Variants in PGM1 observed in about 807,000 individuals in gnomAD.
PGM1 encodes the protein phosphoglucomutase 1, also known as phosphoglucomutase-1.
In PGM1, 52 loss-of-function variants were observed where a neutral mutation model predicts 55.6. That is an observed-to-expected ratio of 0.94 (90% CI 0.75 to 1.18). PGM1 has a LOEUF of 1.18. PGM1 is among the 50% of genes most tolerant of loss of function. PGM1 has a pLI of 0.00. For synonymous variants in PGM1, 287 were observed against 271.7 expected (o/e 1.06, Z -0.55); for missense variants, 724 against 729.3 (o/e 0.99, Z 0.08).
At chr1:63,630,778 T>C (rs998480023) in intron 3 of PGM1, among the ~76,000 whole-genome samples, 11 of 152,238 alleles carry the variant, frequency 7.2e-5, no homozygotes, top group Non-Finnish European at 1.5e-5. Flanking sequence ...TGATTGGCAA[T>C]GAACTTGCAT....
At chr1:63,620,722 G>C (rs57077188) in intron 1 of PGM1, among the ~76,000 whole-genome samples, 1,704 of 152,294 alleles carry the variant, frequency 0.011, 36 homozygotes, top group African/African-American at 0.038. Context: ...GGAGCGAAGG[G>C]GTTCATAACT....
intron 1 of PGM1, among the ~76,000 whole-genome samples, chr1:63,615,779 A>T (rs1002375023): frequency 6.6e-6 from 1 of 151,322 alleles, no homozygotes; most frequent in Non-Finnish European, 1.5e-5. Context: ...CAGGCGGATC[A>T]CTTGAGGTCA....
At chr1:63,593,903 A>G in intron 1 of PGM1, 169 bp downstream of exon 1, 1 of 1,247,244 alleles carries the variant, frequency 8.0e-7, no homozygotes. Flanking sequence ...TGGAGGCCCG[A>G]CGGAGGTCGC....
chr1:63,595,190 C>T (rs1464943693), intron 1 of PGM1, among the ~76,000 whole-genome samples: 3 of 152,092 alleles, frequency 2.0e-5, no homozygotes, highest in African/African-American at 4.8e-5. Flanking sequence ...GTACTATTTG[C>T]CAAGCACTAT....
chr1:63,621,907 G>A (rs1192547353), intron 1 of PGM1, among the ~76,000 whole-genome samples: 6 of 152,052 alleles, frequency 3.9e-5, no homozygotes, highest in Non-Finnish European at 8.8e-5. Flanking sequence ...GGAACACAGC[G>A]GCATTCTTGA....
intron 1 of PGM1, 174 bp downstream of exon 1, chr1:63,593,908 G>A (rs1195159587): frequency 7.2e-6 from 9 of 1,245,110 alleles, no homozygotes; most frequent in Non-Finnish European, 9.0e-6. Flanking sequence ...GCCCGACGGA[G>A]GTCGCCGGGC....
intron 10 of PGM1, among the ~76,000 whole-genome samples, chr1:63,658,122 C>T (rs528540183): frequency 6.6e-6 from 1 of 152,192 alleles, no homozygotes; most frequent in African/African-American, 2.4e-5. Flanking sequence ...TTTGTGGGGA[C>T]TGCCCAAGCC....
chr1:63,605,815 AC>A (rs1648402612), intron 1 of PGM1, among the ~76,000 whole-genome samples: 1 of 152,028 alleles, frequency 6.6e-6, no homozygotes, highest in Non-Finnish European at 1.5e-5. Context: ...CAAGCAATCC[AC>A]CCACCTTGGC....
At chr1:63,633,232 C>T (rs1275174874) in intron 4 of PGM1, among the ~76,000 whole-genome samples, 2 of 152,066 alleles carry the variant, frequency 1.3e-5, no homozygotes, top group African/African-American at 4.8e-5. Flanking sequence ...CTCATGGAGT[C>T]GGTGGCTGTG....
chr1:63,594,574 T>C (rs1647983402), intron 1 of PGM1, among the ~76,000 whole-genome samples: 1 of 151,454 alleles, frequency 6.6e-6, no homozygotes, highest in South Asian at 2.1e-4. Flanking sequence ...CAAGGAAAGT[T>C]AACTGACTTG....
intron 1 of PGM1, among the ~76,000 whole-genome samples, chr1:63,610,124 T>A (rs1648528100): frequency 6.6e-6 from 1 of 152,206 alleles, no homozygotes; most frequent in Non-Finnish European, 1.5e-5. Flanking sequence ...ACCAGTAAAG[T>A]GGGATTAATT....
intron 1 of PGM1, among the ~76,000 whole-genome samples, chr1:63,599,354 C>G (rs1005866459): frequency 6.6e-6 from 1 of 152,104 alleles, no homozygotes; most frequent in Middle Eastern, 3.4e-3. Flanking sequence ...TTAGTAGAAA[C>G]GAGGTTTCAC....
intron 1 of PGM1, among the ~76,000 whole-genome samples, chr1:63,608,097 G>T (rs534192960): frequency 6.6e-6 from 1 of 151,994 alleles, no homozygotes; most frequent in Admixed American, 6.5e-5. Context: ...TGTTTCCCAA[G>T]GTGATTGTTT....
intron 10 of PGM1, 98 bp downstream of exon 10, chr1:63,654,564 C>T: frequency 8.6e-7 from 1 of 1,166,710 alleles, no homozygotes; most frequent in Admixed American, 1.7e-5. Flanking sequence ...TCAAATGACT[C>T]AACAAGGTAC....
At chr1:63,651,234 C>A in intron 8 of PGM1, 1 of 178,860 alleles carries the variant, frequency 5.6e-6, no homozygotes, top group Non-Finnish European at 1.2e-5. Flanking sequence ...GGGAGCAGGC[C>A]CAGCATTCAC....
At chr1:63,657,980 T>C (rs1321439595) in intron 10 of PGM1, among the ~76,000 whole-genome samples, 1 of 152,264 alleles carries the variant, frequency 6.6e-6, no homozygotes, top group African/African-American at 2.4e-5. Flanking sequence ...ATGAAATTTG[T>C]TTCCTCTGAA....
chr1:63,597,728 G>A (rs773108305), intron 1 of PGM1, among the ~76,000 whole-genome samples: 6 of 152,162 alleles, frequency 3.9e-5, no homozygotes, highest in African/African-American at 1.4e-4. Context: ...TCACTTCTGG[G>A]TCTAATGATC....
chr1:63,656,573 TGTGTGTG>T (rs1430292291), intron 10 of PGM1, among the ~76,000 whole-genome samples: 1 of 87,514 alleles, frequency 1.1e-5, no homozygotes, highest in Non-Finnish European at 2.3e-5. Flanking sequence ...GACATTGTGG[TGTGTGTG>T]TGTGTGTGTG....
At chr1:63,650,842 A>G (rs1649788848) in intron 8 of PGM1, among the ~76,000 whole-genome samples, 1 of 152,022 alleles carries the variant, frequency 6.6e-6, no homozygotes, top group African/African-American at 2.4e-5. Flanking sequence ...GTCAGGGTGA[A>G]CCCAAAGGAC....
Sources: gnomAD v4.1 joint callset for allele counts (sites outside exome capture counted in the v4.1 genomes callset) on GRCh38, gnomAD v4.1.1 for gene constraint, MANE v1.5 for transcripts, NCBI Gene and HGNC (gene_info 2026-07-23, HGNC 2026-07-21) for gene names.